SAMMSON: variants seen among roughly 807,000 people sequenced by gnomAD.
The protein encoded by SAMMSON is long intergenic non-protein coding RNA 1212.
At chr3:70,102,527 A>C (rs1029525503) in intron 4 of SAMMSON, among the ~76,000 whole-genome samples, 16 of 152,198 alleles carry the variant, frequency 1.1e-4, no homozygotes, top group Non-Finnish European at 1.8e-4. Flanking sequence ...TCTAGTCTCC[A>C]GTTCAGGCCA....
rs562122497 is a variant in SAMMSON at position 70,180,072 on chromosome 3, G to A, written n.508-69035G>A. ...GAAAAAAATGGGTAGAAAGGAAGGA[G>A]TTTGTTTTCAGTTTTGAGTGATGGC... is the stretch of plus-strand genomic sequence containing the variant. On this transcript the variant is annotated intron_variant and non_coding_transcript_variant, in intron 4 of 9. Transcript: ENST00000642114. Among the ~76,000 whole-genome samples, 6 of 151,646 alleles carry A rather than the reference G, an allele frequency of 4.0e-5. No individual in the cohort carries two copies. In the East Asian group the frequency reaches 1.2e-3, roughly 30 times the overall value.
chr3:70,128,922 G>A (rs919468774), intron 4 of SAMMSON, among the ~76,000 whole-genome samples: 1 of 152,176 alleles, frequency 6.6e-6, no homozygotes. Context: ...AGAATTTGTA[G>A]CAGTGTAGAA....
intron 4 of SAMMSON, among the ~76,000 whole-genome samples, chr3:70,082,852 C>G (rs1012677999): frequency 6.6e-5 from 10 of 152,186 alleles, no homozygotes; most frequent in African/African-American, 2.4e-4. Context: ...CTAACAGCCC[C>G]ATGAGATAGA....
chr3:70,175,842 G>A (rs971885349), intron 4 of SAMMSON, among the ~76,000 whole-genome samples: 1 of 152,068 alleles, frequency 6.6e-6, no homozygotes, highest in Non-Finnish European at 1.5e-5. Flanking sequence ...TGGGTCCTGG[G>A]TTTCAGTAGG....
At chr3:70,102,620 T>C (rs2067350420) in intron 4 of SAMMSON, among the ~76,000 whole-genome samples, 1 of 152,088 alleles carries the variant, frequency 6.6e-6, no homozygotes, top group Admixed American at 6.6e-5. Context: ...TAAGGTAAAC[T>C]GGGTAAAGGA....
At chr3:70,257,652 A>G (rs1001818988) in intron 6 of SAMMSON, among the ~76,000 whole-genome samples, 1 of 152,226 alleles carries the variant, frequency 6.6e-6, no homozygotes, top group Non-Finnish European at 1.5e-5. Flanking sequence ...TTGCTTAGAG[A>G]AGTTAAAGAC....
chr3:70,354,196 G>T (rs1187006247), exon 8 of SAMMSON: 9 of 152,306 alleles, frequency 5.9e-5, no homozygotes, highest in Non-Finnish European at 8.8e-5. Context: ...GTTATCACCA[G>T]AGGAAGCTGC....
At chr3:70,377,346 C>T (rs1703026092) in intron 9 of SAMMSON, among the ~76,000 whole-genome samples, 1 of 152,018 alleles carries the variant, frequency 6.6e-6, no homozygotes, top group South Asian at 2.1e-4. Flanking sequence ...ACTGTGTATA[C>T]TTAGAAAATT....
At chr3:70,398,868 G>T (rs559988095) in intron 2 of SAMMSON, among the ~76,000 whole-genome samples, 1 of 152,288 alleles carries the variant, frequency 6.6e-6, no homozygotes, top group South Asian at 2.1e-4. Flanking sequence ...AAAATTATGA[G>T]CATGTGACAA....
chr3:70,204,623 C>G (rs1202180617), intron 4 of SAMMSON: 1 of 151,484 alleles, frequency 6.6e-6, no homozygotes, highest in African/African-American at 2.4e-5. Context: ...ATCTCCTTTG[C>G]TCTTTGAATG....
intron 7 of SAMMSON, among the ~76,000 whole-genome samples, chr3:70,300,872 C>T (rs113173493): frequency 2.0e-4 from 30 of 152,044 alleles, no homozygotes; most frequent in African/African-American, 5.3e-4. Flanking sequence ...TATTCATGTC[C>T]TATAAACACA....
rs373386091 is a variant in SAMMSON at position 70,030,555 on chromosome 3, G to C, written n.417+16883G>C. Reference sequence around the variant, plus strand: ...CACTTATGTCTGACATCAGTATCCTGAGGTGGTTATTAATGGCCTCATTTT... The same window carrying C: ...CACTTATGTCTGACATCAGTATCCTCAGGTGGTTATTAATGGCCTCATTTT... On this transcript the variant is annotated intron_variant and non_coding_transcript_variant, in intron 3 of 9. Transcript: ENST00000642114. 4 of 152,308 alleles carry C rather than the reference G, an allele frequency of 2.6e-5. No homozygotes were observed. In the East Asian group the frequency reaches 5.8e-4, roughly 22 times the overall value. The allele number at this position is 152,308 out of a possible 1,614,324, so 9.4% of individuals were successfully genotyped here. A position where few individuals can be genotyped will look rare whatever the true frequency, so the allele number is the denominator to read the frequency against.
At chr3:70,017,882 A>G (rs1433526781) in intron 3 of SAMMSON, among the ~76,000 whole-genome samples, 2 of 152,102 alleles carry the variant, frequency 1.3e-5, no homozygotes, top group South Asian at 2.1e-4. Flanking sequence ...ATGCTGGATT[A>G]TGTTTATTGA....
At chr3:70,339,903 G>C (rs561170990) in intron 7 of SAMMSON, among the ~76,000 whole-genome samples, 128 of 152,138 alleles carry the variant, frequency 8.4e-4, no homozygotes, top group Non-Finnish European at 1.1e-3. Context: ...CCCATTACTG[G>C]GTATATACCC....
intron 4 of SAMMSON, among the ~76,000 whole-genome samples, chr3:70,236,802 C>A (rs1701614468): frequency 6.6e-6 from 1 of 152,080 alleles, no homozygotes; most frequent in Non-Finnish European, 1.5e-5. Context: ...TTGTATGTTG[C>A]CCAGGCTGGT....
intron 3 of SAMMSON, among the ~76,000 whole-genome samples, chr3:70,023,239 G>A (rs1327566122): frequency 6.6e-6 from 1 of 151,944 alleles, no homozygotes; most frequent in African/African-American, 2.4e-5. Flanking sequence ...GGCAGATTAC[G>A]AGGTCAGGAG....
chr3:70,041,990 C>T (rs2067108105), intron 3 of SAMMSON, among the ~76,000 whole-genome samples: 2 of 152,062 alleles, frequency 1.3e-5, no homozygotes, highest in South Asian at 4.1e-4. Context: ...GACTCTGGTG[C>T]ATGATCAATG....
At chr3:70,045,000 T>G (rs975358528) in intron 3 of SAMMSON, among the ~76,000 whole-genome samples, 1,628 of 129,818 alleles carry the variant, frequency 0.013, 70 homozygotes, top group African/African-American at 0.045. Context: ...AATTATATAA[T>G]TAATTATATA....
intron 7 of SAMMSON, among the ~76,000 whole-genome samples, chr3:70,318,964 T>C (rs1702516181): frequency 6.6e-6 from 1 of 152,052 alleles, no homozygotes; most frequent in African/African-American, 2.4e-5. Flanking sequence ...CATAAGGAAA[T>C]ATCTCCTCTT....
Sources: gnomAD v4.1 joint callset for allele counts (sites outside exome capture counted in the v4.1 genomes callset) on GRCh38, gnomAD v4.1.1 for gene constraint, MANE v1.5 for transcripts, NCBI Gene and HGNC (gene_info 2026-07-23, HGNC 2026-07-21) for gene names.